The following KIF14 variants were observed in gnomAD, a reference collection of about 807,000 sequenced individuals.
The protein encoded by KIF14 is kinesin-like protein KIF14.
In KIF14, 98 loss-of-function variants were observed where a neutral mutation model predicts 176.2. The observed-to-expected ratio is 0.56, with a 90% CI of 0.47 to 0.66. KIF14 has a LOEUF of 0.66. Ranked by LOEUF, KIF14 falls within the 30% of genes least tolerant of loss-of-function variation. The pLI is 0.00. For missense variants in KIF14, 1,751 were observed against 1,920.4 expected (o/e 0.91, Z 1.65); for synonymous variants, 566 against 632.2 (o/e 0.90, Z 1.57).
At chr1:200,590,697 T>C (rs891667533) in intron 16 of KIF14, among the ~76,000 whole-genome samples, 8 of 152,198 alleles carry the variant, frequency 5.3e-5, no homozygotes, top group African/African-American at 1.9e-4. Context: ...AAAACATTTC[T>C]GGAGATGGAT....
At chr1:200,617,419 T>C (rs1660455453) in intron 2 of KIF14, among the ~76,000 whole-genome samples, 193 bp downstream of exon 2, 1 of 152,258 alleles carries the variant, frequency 6.6e-6, no homozygotes, top group Non-Finnish European at 1.5e-5. Context: ...GGTGATTCAA[T>C]TTTTTAATTT....
chr1:200,567,320 T>C (rs936963741), intron 23 of KIF14, among the ~76,000 whole-genome samples: 1 of 151,664 alleles, frequency 6.6e-6, no homozygotes, highest in Admixed American at 6.6e-5. Flanking sequence ...GGCAGGTGGA[T>C]CACGAGGTCA....
At chr1:200,608,245 G>A (rs931685446) in intron 5 of KIF14, among the ~76,000 whole-genome samples, 1 of 151,940 alleles carries the variant, frequency 6.6e-6, no homozygotes, top group African/African-American at 2.4e-5. Context: ...CAACTTACAT[G>A]GTCCAACTAA....
rs1481722417 is a variant in KIF14, at chr1:200,592,246, G to A, written c.2653-6C>T. On this transcript the variant is annotated splice_region_variant and splice_polypyrimidine_tract_variant and intron_variant, in intron 15 of 29. Transcript: ENST00000367350. ...CCAAGAATCACTCGATCACCCTAAA[G>A]CACACAAAAAAATGTACTACTTGAG... 2 of 1,596,032 alleles carry A rather than the reference G, an allele frequency of 1.3e-6. No homozygotes were observed. The highest frequency in any genetic ancestry group is 1.1e-5 in the South Asian group (1 of 87,956).
At chr1:200,596,991 T>C (rs889353973) in intron 14 of KIF14, among the ~76,000 whole-genome samples, 15 of 141,710 alleles carry the variant, frequency 1.1e-4, no homozygotes, top group Admixed American at 4.5e-4. Flanking sequence ...ATCCACCTCC[T>C]AGGTTCAAGC....
At chr1:200,562,632 T>C (rs971803085) in intron 25 of KIF14, among the ~76,000 whole-genome samples, 1 of 152,202 alleles carries the variant, frequency 6.6e-6, no homozygotes. Context: ...AGCTTCCTTT[T>C]CTAGGCTCAA....
chr1:200,618,742 TA>T lies in KIF14; in HGVS notation c.-20del, dbSNP rs1389082496. On this transcript the variant is annotated 5_prime_UTR_variant, in exon 2 of 30. An upstream open reading frame in the 5' UTR gains an earlier in-frame stop. Coordinates refer to ENST00000367350, the MANE Select transcript of KIF14 (RefSeq NM_014875.3). ...ATGACATTTTGGCAGACAGTTATTT[TA>T]AAAAAGAATGTTACTAAGACCCTAA... 6.4e-7 allele frequency: 1 copy of T among 1,561,480 alleles called. No homozygotes were observed. Among genetic ancestry groups the T allele is most frequent in the East Asian group, 2.3e-5 (1 of 44,388 alleles).
intron 22 of KIF14, 44 bp downstream of exon 22, chr1:200,575,547 G>T: frequency 9.7e-7 from 1 of 1,030,654 alleles, no homozygotes; most frequent in Non-Finnish European, 1.5e-6. Flanking sequence ...ACACACACAT[G>T]CACACACAAA....
chr1:200,584,247 A>C (rs1658622542), intron 19 of KIF14, among the ~76,000 whole-genome samples: 2 of 149,696 alleles, frequency 1.3e-5, no homozygotes, highest in Non-Finnish European at 3.0e-5. Context: ...CACAGGACTT[A>C]ATGGCTTCAC....
At position 200,565,114 on chromosome 1, in the gene KIF14, T is replaced by C; in HGVS notation, c.4026A>G (p.Arg1342=). 1.2e-6 allele frequency: 2 copies of C among 1,612,962 alleles called. No individual in the cohort carries two copies. Among genetic ancestry groups the C allele is most frequent in the Non-Finnish European group, 1.7e-6 (2 of 1,179,684 alleles). ...TNIARLEDEL[R]QEVKKLGGYL... ...AGCCTCCCAGTTTTTTAACTTCTTG[T>C]CTCAACTCATCCTCAAGTCTTGCTA... Residue 1342 remains arginine, a synonymous_variant, in exon 25 of 30, where the codon AGA becomes AGG. Coordinates refer to ENST00000367350, the MANE Select transcript of KIF14 (RefSeq NM_014875.3).
intron 23 of KIF14, among the ~76,000 whole-genome samples, chr1:200,566,144 T>A (rs190476737): frequency 1.8e-4 from 28 of 152,304 alleles, no homozygotes; most frequent in Non-Finnish European, 1.2e-4. Context: ...TCAATTAACC[T>A]CTCAACCGCA....
chr1:200,583,163 C>T (rs1191595508), intron 19 of KIF14, among the ~76,000 whole-genome samples: 1 of 151,666 alleles, frequency 6.6e-6, no homozygotes, highest in East Asian at 1.9e-4. Context: ...ACTTAAAAGG[C>T]ACATCTACCA....
At chr1:200,559,924 T>G (rs1558044367) in intron 26 of KIF14, among the ~76,000 whole-genome samples, 1 of 152,028 alleles carries the variant, frequency 6.6e-6, no homozygotes, top group East Asian at 1.9e-4. Flanking sequence ...TCAGCTAATT[T>G]TTATATCTTT....
At chr1:200,559,570 C>T (rs1220445098) in intron 26 of KIF14, 118 bp from the exon 27 acceptor site, 13 of 512,636 alleles carry the variant, frequency 2.5e-5, no homozygotes, top group East Asian at 7.7e-5. Context: ...TTTCTGCTTA[C>T]TTTAGGACTA....
intron 19 of KIF14, among the ~76,000 whole-genome samples, chr1:200,584,682 T>C (rs1357557738): frequency 1.3e-5 from 2 of 152,152 alleles, no homozygotes; most frequent in Non-Finnish European, 2.9e-5. Flanking sequence ...CTCAACAAAT[T>C]AGATATAGAA....
rs985146208 is a variant in KIF14 at position 200,554,556 on chromosome 1, G to C, written c.4479C>G (p.Phe1493Leu). 2 of 1,554,574 alleles carry C rather than the reference G, an allele frequency of 1.3e-6. No individual in the cohort carries two copies. The highest frequency in any genetic ancestry group is 1.8e-6 in the Non-Finnish European group (2 of 1,130,054). Residue 1493 changes from phenylalanine to leucine, a missense_variant, in exon 29 of 30, where the codon TTC becomes TTG. Transcript: ENST00000367350. ...VQEENFEYQD[F>L]KRMVNRAPEF... ...CTGGAGCACGATTAACCATCCTCTT[G>C]AAATCTTGGTATTCAAAGTTTTCTT...
Position 200,575,604 on chromosome 1 carries a change from G to T in KIF14, c.3553C>A (p.Leu1185Ile). 6.3e-7 allele frequency: 1 copy of T among 1,578,910 alleles called. No homozygotes were observed. Among genetic ancestry groups the T allele is most frequent in the African/African-American group, 1.3e-5 (1 of 74,386 alleles). Residue 1185 changes from leucine to isoleucine, a missense_variant, in exon 22 of 30, where the codon CTT becomes ATT. Transcript: ENST00000367350. ...PDITDAPVSS[L>I]SRRRSRSLMK... ...AATTGTCTTTACCTCCTTCTAGAAA[G>T]TGAAGAAACTGGTGCATCTGTAATG...
In KIF14 at chr1:200,600,418, T is replaced by C; in HGVS notation, c.2238A>G (p.Gln746=). 6.2e-7 allele frequency: 1 copy of C among 1,613,940 alleles called. No individual in the cohort carries two copies. Among genetic ancestry groups the C allele is most frequent in the Non-Finnish European group, 8.5e-7 (1 of 1,179,810 alleles). ...GTTTCATTCTTAAGGATGTTATTTCTTGCCGACAGAGCCTGTATCGTTCAG... is the reference window on the plus strand; with the variant it reads ...GTTTCATTCTTAAGGATGTTATTTCCTGCCGACAGAGCCTGTATCGTTCAG... ...IDPERYRLCR[Q]EITSLRMKLH... The change falls in exon 12 of 30, where the codon CAA becomes CAG. Residue 746 remains glutamine (Q), a synonymous_variant. Transcript: ENST00000367350.
intron 22 of KIF14, among the ~76,000 whole-genome samples, chr1:200,571,320 GA>G (rs57110701): frequency 3.5e-4 from 47 of 133,486 alleles, no homozygotes; most frequent in Middle Eastern, 3.7e-3. Context: ...ATCTCAAAAA[GA>G]AAAAAAAAAA....
Sources: allele counts gnomAD v4.1 joint callset (sites outside exome capture counted in the v4.1 genomes callset), GRCh38; gene constraint gnomAD v4.1.1; transcripts MANE v1.5; gene names NCBI Gene and HGNC (gene_info 2026-07-23, HGNC 2026-07-21).